Variants in GALNT13 observed in about 807,000 individuals in gnomAD.
GALNT13 encodes UDP-GalNAc:polypeptide N-acetylgalactosaminyltransferase 13.
In GALNT13, 28 loss-of-function variants were observed where a neutral mutation model predicts 64.2. That is an observed-to-expected ratio of 0.44 (90% CI 0.32 to 0.60). GALNT13 has a LOEUF of 0.60. Ranked by LOEUF, GALNT13 falls within the 20% of genes least tolerant of loss-of-function variation. The probability of loss-of-function intolerance (pLI) is 0.05; values close to 1 mark genes in which losing one functional copy is unlikely to be tolerated. For missense variants in GALNT13, 577 were observed against 669.8 expected, an observed-to-expected ratio of 0.86 and a Z score of 1.53; for synonymous variants, 214 against 224.6, an observed-to-expected ratio of 0.95 and a Z score of 0.42.
the GALNT13 span, among the ~76,000 whole-genome samples, chr2:153,357,087 C>T: frequency 1.3e-5 from 2 of 151,992 alleles, no homozygotes; most frequent in African/African-American, 2.4e-5. Flanking sequence ...GGATTACAGG[C>T]GTGAGCCACC....
intron 3 of GALNT13, among the ~76,000 whole-genome samples, chr2:154,044,575 G>A (rs182820435): frequency 6.6e-6 from 1 of 152,270 alleles, no homozygotes; most frequent in Non-Finnish European, 1.5e-5. Flanking sequence ...ACAGAAGGGA[G>A]CTAGGACATG....
At chr2:154,279,996 A>G (rs1002749101) in intron 8 of GALNT13, among the ~76,000 whole-genome samples, 2 of 152,176 alleles carry the variant, frequency 1.3e-5, no homozygotes, top group African/African-American at 4.8e-5. Flanking sequence ...TTCCATTGAC[A>G]GCATTAGAAT....
the GALNT13 span, among the ~76,000 whole-genome samples, chr2:153,439,749 C>T: frequency 1.3e-5 from 2 of 152,132 alleles, no homozygotes; most frequent in African/African-American, 4.8e-5. Context: ...AGTGAATTCC[C>T]TGACTTGTTG....
chr2:153,113,306 G>A, the GALNT13 span, among the ~76,000 whole-genome samples: 1 of 151,970 alleles, frequency 6.6e-6, no homozygotes, highest in Non-Finnish European at 1.5e-5. Flanking sequence ...TACTCTAGAA[G>A]TATTTCCTTT....
At chr2:153,130,376 A>G in the GALNT13 span, among the ~76,000 whole-genome samples, 19 of 152,270 alleles carry the variant, frequency 1.2e-4, no homozygotes, top group Non-Finnish European at 5.9e-5. Flanking sequence ...CATTAGGTAC[A>G]ATCTCGTGAG....
the GALNT13 span, among the ~76,000 whole-genome samples, chr2:153,255,875 C>G: frequency 6.6e-6 from 1 of 152,170 alleles, no homozygotes; most frequent in African/African-American, 2.4e-5. Context: ...GGTAACTTCA[C>G]CTTTCTCTCT....
At chr2:153,099,342 CA>C in the GALNT13 span, among the ~76,000 whole-genome samples, 2 of 152,030 alleles carry the variant, frequency 1.3e-5, no homozygotes, top group African/African-American at 4.8e-5. Context: ...TAAAAATGAT[CA>C]AAATGAGTGC....
chr2:154,193,761 T>A (rs1686726473), intron 4 of GALNT13, among the ~76,000 whole-genome samples: 3 of 152,220 alleles, frequency 2.0e-5, no homozygotes, highest in Admixed American at 2.0e-4. Flanking sequence ...GTGAGCAAGC[T>A]TCTTGGGTTT....
At chr2:154,035,794 T>A (rs895466577) in intron 3 of GALNT13, among the ~76,000 whole-genome samples, 4 of 152,006 alleles carry the variant, frequency 2.6e-5, no homozygotes, top group Non-Finnish European at 5.9e-5. Context: ...TAGGAAAATC[T>A]AGAATAAATA....
At chr2:153,982,772 C>A (rs542234157) in intron 3 of GALNT13, among the ~76,000 whole-genome samples, 2 of 151,840 alleles carry the variant, frequency 1.3e-5, no homozygotes, top group Admixed American at 6.6e-5. Flanking sequence ...AAAAGATTTA[C>A]AAATTATCAA....
At chr2:153,480,566 A>G in the GALNT13 span, among the ~76,000 whole-genome samples, 1 of 152,170 alleles carries the variant, frequency 6.6e-6, no homozygotes, top group African/African-American at 2.4e-5. Context: ...AAATTTATTA[A>G]TAATTGATAA....
chr2:153,883,289 C>T (rs1332663920), intron 1 of GALNT13, among the ~76,000 whole-genome samples: 2 of 151,520 alleles, frequency 1.3e-5, no homozygotes, highest in Non-Finnish European at 2.9e-5. Flanking sequence ...AAATATGAGT[C>T]ACAGTGAATC....
intron 9 of GALNT13, among the ~76,000 whole-genome samples, chr2:154,385,241 C>T (rs772990453): frequency 1.4e-4 from 21 of 151,920 alleles, no homozygotes; most frequent in Non-Finnish European, 2.7e-4. Context: ...ACACTGAAAT[C>T]TTCTGGCTTG....
the GALNT13 span, among the ~76,000 whole-genome samples, chr2:153,382,659 G>GT: frequency 6.6e-6 from 1 of 152,006 alleles, no homozygotes; most frequent in African/African-American, 2.4e-5. Context: ...TTTGCTTCAA[G>GT]TTTTTTATTT....
the GALNT13 span, among the ~76,000 whole-genome samples, chr2:153,554,508 T>G: frequency 6.6e-6 from 1 of 152,224 alleles, no homozygotes; most frequent in Non-Finnish European, 1.5e-5. Context: ...CTCAGCATTT[T>G]TCTGATGAAT....
At chr2:153,102,641 C>G in the GALNT13 span, among the ~76,000 whole-genome samples, 1 of 152,106 alleles carries the variant, frequency 6.6e-6, no homozygotes, top group Non-Finnish European at 1.5e-5. Flanking sequence ...TTTGAGGTAG[C>G]AAATAATACT....
At chr2:153,700,127 A>C in the GALNT13 span, among the ~76,000 whole-genome samples, 2 of 152,178 alleles carry the variant, frequency 1.3e-5, no homozygotes, top group Non-Finnish European at 2.9e-5. Context: ...CCAGCAGCAC[A>C]TCAAAAAGCT....
At chr2:153,071,244 C>T in the GALNT13 span, among the ~76,000 whole-genome samples, 1 of 152,120 alleles carries the variant, frequency 6.6e-6, no homozygotes, top group African/African-American at 2.4e-5. Flanking sequence ...TATTTTATAT[C>T]CAGCTTGATA....
chr2:153,664,814 T>C, the GALNT13 span, among the ~76,000 whole-genome samples: 1 of 152,154 alleles, frequency 6.6e-6, no homozygotes, highest in Non-Finnish European at 1.5e-5. Context: ...GTCATGTAAG[T>C]GTGCCATTTT....
Sources: gnomAD v4.1 joint callset for allele counts (sites outside exome capture counted in the v4.1 genomes callset) on GRCh38, gnomAD v4.1.1 for gene constraint, MANE v1.5 for transcripts, NCBI Gene and HGNC (gene_info 2026-07-23, HGNC 2026-07-21) for gene names.